OR6K3: variants seen among roughly 807,000 people sequenced by gnomAD.
OR6K3 encodes the protein olfactory receptor 6K3.
For synonymous variants in OR6K3, 169 were observed against 137.7 expected, an observed-to-expected ratio of 1.23 and a Z score of -1.59; for missense variants, 396 against 382.5, an observed-to-expected ratio of 1.04 and a Z score of -0.29.
rs1656164829 is a variant in OR6K3, at chr1:158,717,105, T to A, written c.*63A>T. 4 of 1,161,014 alleles carry A rather than the reference T, an allele frequency of 3.4e-6. No individual in the cohort carries two copies. The highest frequency in any genetic ancestry group is 1.4e-5 in the South Asian group (1 of 69,980). The allele number at this position is 1,161,014 out of a possible 1,614,324, so 71.9% of individuals were successfully genotyped here. ...TGCACTCCAGCCCAGGCAACAAGAG[T>A]GAAACTCCATCTCAAAAAACAAAAC... On this transcript the variant is annotated 3_prime_UTR_variant, in exon 2 of 2. Coordinates refer to ENST00000368145, the MANE Select transcript of OR6K3 (RefSeq NM_001005327.3).
chr1:158,716,584 C>A lies in OR6K3; in HGVS notation c.*584G>T, dbSNP rs1656150835. 1 of 152,566 alleles carries A rather than the reference C, an allele frequency of 6.6e-6. No individual in the cohort carries two copies. Among genetic ancestry groups the A allele is most frequent in the Non-Finnish European group, 1.5e-5 (1 of 68,402 alleles). The allele number at this position is 152,566 out of a possible 1,614,324, so 9.5% of individuals were successfully genotyped here. On this transcript the variant is annotated 3_prime_UTR_variant, in exon 2 of 2. Coordinates refer to ENST00000368145, the MANE Select transcript of OR6K3 (RefSeq NM_001005327.3). The stretch of plus-strand genomic sequence containing the variant: ...TGAAGCTCAAGCTCTGTAGTTCTAA[C>A]CCTCTAAAGTGGCAAACAAATTTTC...
upstream of OR6K3, chr1:158,724,823 T>C: frequency 4.6e-6 from 1 of 219,322 alleles, no homozygotes; most frequent in Non-Finnish European, 9.8e-6. Flanking sequence ...GAGAGCATCT[T>C]GGGAATTGTG....
chr1:158,722,248 A>G (rs1656295875), upstream of OR6K3, among the ~76,000 whole-genome samples: 1 of 152,066 alleles, frequency 6.6e-6, no homozygotes, highest in Admixed American at 6.6e-5. Context: ...ACAAAAAATA[A>G]GAATATTAAA....
chr1:158,716,783 A>G lies in OR6K3; in HGVS notation c.*385T>C, dbSNP rs1553242712. Reference sequence around the variant, plus strand: ...ATTTCAGTGTGACAAAGCACTAGGTATAGAGTAATCTCATGTTCTAATATG... The same window carrying G: ...ATTTCAGTGTGACAAAGCACTAGGTGTAGAGTAATCTCATGTTCTAATATG... On this transcript the variant is annotated 3_prime_UTR_variant, in exon 2 of 2. Transcript: ENST00000368145. 1 of 179,588 alleles carries G rather than the reference A, an allele frequency of 5.6e-6. No individual in the cohort carries two copies. Among genetic ancestry groups the G allele is most frequent in the Non-Finnish European group, 1.2e-5 (1 of 83,762 alleles). 11.1% of individuals were successfully genotyped at this position (179,588 alleles called of 1,614,324 possible).
chr1:158,723,775 C>T (rs138892658), upstream of OR6K3, among the ~76,000 whole-genome samples: 817 of 152,036 alleles, frequency 5.4e-3, 10 homozygotes, highest in African/African-American at 0.019. Context: ...TACTGTGGTT[C>T]GTAATTCATA....
intron 1 of OR6K3, among the ~76,000 whole-genome samples, chr1:158,719,749 A>G (rs1430401861): frequency 6.6e-6 from 1 of 152,090 alleles, no homozygotes; most frequent in African/African-American, 2.4e-5. Context: ...TGTAAAACTG[A>G]GAAAATATTA....
chr1:158,717,886 G>A lies in OR6K3; in HGVS notation c.230C>T (p.Thr77Ile), dbSNP rs1460199537. ...SFLEIWYTTA[T>I]IPKMLSNLIS... Reference sequence around the variant, plus strand: ...GAGGTTGGAGAGCATCTTGGGAATGGTGGCTGTGGTGTACCAGATCTCCAG... The same window carrying A: ...GAGGTTGGAGAGCATCTTGGGAATGATGGCTGTGGTGTACCAGATCTCCAG... Residue 77 changes from threonine (T) to isoleucine (I), a missense_variant, in exon 2 of 2, where the codon ACC becomes ATC. Transcript: ENST00000368145. 5 of 1,613,708 alleles carry A rather than the reference G, an allele frequency of 3.1e-6. No homozygotes were observed. The Admixed American group carries it at 8.3e-5, about 27-fold the overall frequency.
rs747942039 is a variant in OR6K3, at chr1:158,717,553, G to A, written c.563C>T (p.Ala188Val). ...CAGAATCATGGACGTGTCTGTACAGGCCAGGCTTAGCACAGGGACCAAGTC... is the reference window on the plus strand; with the variant it reads ...CAGAATCATGGACGTGTCTGTACAGACCAGGCTTAGCACAGGGACCAAGTC... ...FCDLVPVLSL[A>V]CTDTSMILIE... The change falls in exon 2 of 2, where the codon GCC becomes GTC. Residue 188 changes from alanine to valine, a missense_variant. Transcript: ENST00000368145. The A allele has an allele frequency of 6.2e-7, 1 of 1,613,742 alleles. No homozygotes were observed. The highest frequency in any genetic ancestry group is 1.7e-5 in the Admixed American group (1 of 59,978).
chr1:158,721,767 C>G (rs946291720), upstream of OR6K3, among the ~76,000 whole-genome samples: 1 of 151,668 alleles, frequency 6.6e-6, no homozygotes, highest in African/African-American at 2.4e-5. Context: ...CCATATATAA[C>G]TTTTTCTCTT....
chr1:158,724,697 T>C (rs1185647706), upstream of OR6K3: 1 of 226,864 alleles, frequency 4.4e-6, no homozygotes, highest in Admixed American at 4.1e-5. Context: ...GCAACGTACC[T>C]ATCAATGGCC....
At chr1:158,724,734 A>T (rs752045813), upstream of OR6K3, 6 of 223,500 alleles carry the variant, frequency 2.7e-5, no homozygotes, top group Non-Finnish European at 4.8e-5. Context: ...TCCCCTCTGA[A>T]TTTCCCAGTG....
At chr1:158,724,647 G>A (rs558204909), upstream of OR6K3, 13 of 230,400 alleles carry the variant, frequency 5.6e-5, no homozygotes, top group Admixed American at 2.1e-4. Flanking sequence ...CACAGAGCCC[G>A]GGGGTCATGA....
chr1:158,723,227 GTCTA>G (rs58740771), upstream of OR6K3, among the ~76,000 whole-genome samples: 957 of 150,322 alleles, frequency 6.4e-3, 11 homozygotes, highest in African/African-American at 0.021. Flanking sequence ...TTACCTATCT[GTCTA>G]TCTATCTATC....
intron 1 of OR6K3, among the ~76,000 whole-genome samples, chr1:158,719,829 T>C (rs111650557): frequency 7.2e-5 from 11 of 152,198 alleles, no homozygotes; most frequent in African/African-American, 2.4e-4. Context: ...CAGTATAGTA[T>C]ACGGTATTAT....
At chr1:158,722,077 CTCTT>C (rs1186696984), upstream of OR6K3, among the ~76,000 whole-genome samples, 2 of 151,928 alleles carry the variant, frequency 1.3e-5, no homozygotes, top group Admixed American at 6.6e-5. Flanking sequence ...CTCTCTCTCT[CTCTT>C]TAACTGTAGT....
In OR6K3 at chr1:158,717,757, A is replaced by G; in HGVS notation, c.359T>C (p.Ile120Thr). 2.5e-6 allele frequency: 4 copies of G among 1,613,846 alleles called. No homozygotes were observed. Among genetic ancestry groups the G allele is most frequent in the Non-Finnish European group, 3.4e-6 (4 of 1,179,832 alleles). Residue 120 changes from isoleucine to threonine, a missense_variant, in exon 2 of 2, where the codon ATT becomes ACT. Coordinates refer to ENST00000368145, the MANE Select transcript of OR6K3 (RefSeq NM_001005327.3). The part of the protein sequence containing the change: ...SEGILLTTMA[I>T]DRYVAICNPL... Reference sequence around the variant, plus strand: ...GTTGCAGATGGCAACGTATCTGTCAATGGCCATGGTGGTCAGCAAGATCCC... The same window carrying G: ...GTTGCAGATGGCAACGTATCTGTCAGTGGCCATGGTGGTCAGCAAGATCCC...
intron 1 of OR6K3, 31 bp from the exon 2 acceptor site, chr1:158,718,163 T>C (rs148898921): frequency 8.7e-7 from 1 of 1,155,118 alleles, no homozygotes; most frequent in Non-Finnish European, 1.3e-6. Context: ...GTCCAGCACA[T>C]GAGAGGGTAG....
chr1:158,722,519 C>T (rs986133227), upstream of OR6K3, among the ~76,000 whole-genome samples: 2 of 151,984 alleles, frequency 1.3e-5, no homozygotes, highest in African/African-American at 4.8e-5. Flanking sequence ...ATCCAGATTT[C>T]CCAAGTAGAG....
chr1:158,721,512 G>A (rs546955516), upstream of OR6K3, among the ~76,000 whole-genome samples: 6 of 151,776 alleles, frequency 4.0e-5, no homozygotes, highest in African/African-American at 1.4e-4. Flanking sequence ...TTCTTCTTAC[G>A]ATTTGGGAGC....
Sources: allele counts gnomAD v4.1 joint callset (sites outside exome capture counted in the v4.1 genomes callset), GRCh38; gene constraint gnomAD v4.1.1; transcripts MANE v1.5; gene names NCBI Gene and HGNC (gene_info 2026-07-23, HGNC 2026-07-21).